Variants in FKBP5 observed in about 807,000 individuals in gnomAD.
FKBP5 encodes the protein FKBP prolyl isomerase 5.
Under a neutral mutation model 50.5 loss-of-function variants are expected in FKBP5, and 23 were observed. The observed-to-expected ratio is 0.46, with a 90% CI of 0.33 to 0.65. The LOEUF is 0.65. Ranked by LOEUF, FKBP5 falls within the 30% of genes least tolerant of loss-of-function variation. FKBP5 has a pLI of 0.02. For synonymous variants in FKBP5, 176 were observed against 190.6 expected (o/e 0.92, Z 0.63); for missense variants, 411 against 553.1 (o/e 0.74, Z 2.58).
intron 3 of FKBP5, among the ~76,000 whole-genome samples, chr6:35,621,051 A>G (rs1312294681): frequency 2.0e-5 from 3 of 152,210 alleles, no homozygotes; most frequent in Admixed American, 2.0e-4. Flanking sequence ...GGGTCCATGA[A>G]ACACATTTCT....
At chr6:35,642,595 C>T (rs1038903208) in intron 2 of FKBP5, 125 bp downstream of exon 2, 4 of 630,810 alleles carry the variant, frequency 6.3e-6, no homozygotes, top group Non-Finnish European at 1.1e-5. Context: ...GAGAATCTAG[C>T]TCTAGTGTTT....
At chr6:35,715,182 G>A (rs1766490879) in intron 2 of FKBP5, among the ~76,000 whole-genome samples, 1 of 152,194 alleles carries the variant, frequency 6.6e-6, no homozygotes, top group Non-Finnish European at 1.5e-5. Flanking sequence ...TTACAGGTGT[G>A]AGCCACTGCT....
At chr6:35,601,377 C>T (rs902229320) in intron 5 of FKBP5, among the ~76,000 whole-genome samples, 1 of 152,120 alleles carries the variant, frequency 6.6e-6, no homozygotes, top group Non-Finnish European at 1.5e-5. Flanking sequence ...AAGGGCATTG[C>T]TGGGTTAACT....
At chr6:35,583,150 A>G in intron 8 of FKBP5, 1 of 985,438 alleles carries the variant, frequency 1.0e-6, no homozygotes, top group Non-Finnish European at 1.2e-6. Flanking sequence ...GTGTGGGTGG[A>G]AATGAAAAGT....
intron 1 of FKBP5, among the ~76,000 whole-genome samples, chr6:35,665,347 G>A (rs1212022923): frequency 6.8e-6 from 1 of 147,372 alleles, no homozygotes; most frequent in Non-Finnish European, 1.5e-5. Flanking sequence ...GAGTGCAGTG[G>A]CGCGATCTCG....
intron 2 of FKBP5, among the ~76,000 whole-genome samples, chr6:35,714,386 T>G: frequency 8.3e-6 from 1 of 120,900 alleles, no homozygotes; most frequent in African/African-American, 3.3e-5. Flanking sequence ...CAGGAGGCAG[T>G]GGTTGCAGTG....
At chr6:35,601,343 G>A (rs1224128596) in intron 5 of FKBP5, among the ~76,000 whole-genome samples, 1 of 152,194 alleles carries the variant, frequency 6.6e-6, no homozygotes, top group African/African-American at 2.4e-5. Context: ...ACAGCCCATT[G>A]ATTCTCTACA....
intron 1 of FKBP5, among the ~76,000 whole-genome samples, chr6:35,687,445 CAA>C (rs1765858826): frequency 6.6e-6 from 1 of 152,064 alleles, no homozygotes; most frequent in Non-Finnish European, 1.5e-5. Context: ...ATTCAAACAC[CAA>C]GAGAAGCAGC....
At position 35,575,784 on chromosome 6, in the gene FKBP5, C is replaced by G. The variant is rs1349142689; in HGVS notation, c.*51G>C. ...GTTCTGTCCTGAGTTGGGGGAAAGCCCATTGAGGAGGGGCCGAGTTCACTG... is the reference window on the plus strand; with the variant it reads ...GTTCTGTCCTGAGTTGGGGGAAAGCGCATTGAGGAGGGGCCGAGTTCACTG... On this transcript the variant is annotated 3_prime_UTR_variant, in exon 11 of 11. Coordinates refer to ENST00000357266, the MANE Select transcript of FKBP5 (RefSeq NM_004117.4). 1 of 1,150,878 alleles carries G rather than the reference C, an allele frequency of 8.7e-7. No individual in the cohort carries two copies. Among genetic ancestry groups the G allele is most frequent in the African/African-American group, 1.5e-5 (1 of 66,308 alleles). 71.3% of individuals were successfully genotyped at this position (1,150,878 alleles called of 1,614,324 possible).
At chr6:35,578,049 T>A (rs559572333) in intron 9 of FKBP5, among the ~76,000 whole-genome samples, 125 of 87,332 alleles carry the variant, frequency 1.4e-3, no homozygotes, top group Admixed American at 6.4e-3. Flanking sequence ...GTGAGACTCT[T>A]GTCTCCAAAA....
chr6:35,633,344 AC>A (rs1279642074), intron 3 of FKBP5, among the ~76,000 whole-genome samples: 2 of 152,064 alleles, frequency 1.3e-5, no homozygotes, highest in African/African-American at 4.8e-5. Flanking sequence ...AAAGTTCGAG[AC>A]CACCCTGGGC....
intron 1 of FKBP5, among the ~76,000 whole-genome samples, chr6:35,679,958 G>T (rs1581878019): frequency 6.6e-6 from 1 of 151,904 alleles, no homozygotes; most frequent in East Asian, 1.9e-4. Flanking sequence ...AAAATATATA[G>T]GTCATATAAC....
chr6:35,719,799 G>A (rs1181761729), intron 2 of FKBP5, among the ~76,000 whole-genome samples: 1 of 152,184 alleles, frequency 6.6e-6, no homozygotes, highest in Non-Finnish European at 1.5e-5. Context: ...CCCCAAGCTT[G>A]ACTGCAACTC....
At chr6:35,680,360 T>G (rs1055123359) in intron 1 of FKBP5, among the ~76,000 whole-genome samples, 6 of 152,102 alleles carry the variant, frequency 3.9e-5, no homozygotes, top group Admixed American at 3.9e-4. Flanking sequence ...AGCCCAGGAG[T>G]TCCAGGCTGC....
intron 5 of FKBP5, among the ~76,000 whole-genome samples, chr6:35,618,566 G>C (rs1763727518): frequency 6.6e-6 from 1 of 152,052 alleles, no homozygotes; most frequent in Admixed American, 6.6e-5. Context: ...AGTAGAGATG[G>C]GGCCTCACTA....
chr6:35,655,721 T>C (rs1764927661), intron 1 of FKBP5, among the ~76,000 whole-genome samples: 1 of 152,214 alleles, frequency 6.6e-6, no homozygotes, highest in African/African-American at 2.4e-5. Context: ...ACAAGCTAAG[T>C]ATATTCCTTC....
chr6:35,609,192 T>G (rs781543600), intron 5 of FKBP5, among the ~76,000 whole-genome samples: 1 of 152,218 alleles, frequency 6.6e-6, no homozygotes, highest in African/African-American at 2.4e-5. Flanking sequence ...TTTTTCTCGC[T>G]ACTGTTTCTT....
At chr6:35,602,757 T>G (rs1380342959) in intron 5 of FKBP5, among the ~76,000 whole-genome samples, 2 of 152,134 alleles carry the variant, frequency 1.3e-5, no homozygotes, top group African/African-American at 4.8e-5. Flanking sequence ...CACACCACTG[T>G]AAGATTGCTT....
rs184751537 is a variant in FKBP5, at chr6:35,620,350, T to A, written c.251-76A>T. ...TTTAACTTTCATAAAACCAAAGTTC[T>A]AATTTCCAGTTTTTCATACTACATA... is the stretch of plus-strand genomic sequence containing the variant. On this transcript the variant is annotated intron_variant, in intron 3 of 10. Coordinates refer to ENST00000357266, the MANE Select transcript of FKBP5 (RefSeq NM_004117.4). 2.6e-6 allele frequency: 4 copies of A among 1,514,956 alleles called. No homozygotes were observed. The African/African-American group carries it at 5.6e-5, about 21-fold the overall frequency. 93.8% of individuals were successfully genotyped at this position (1,514,956 alleles called of 1,614,324 possible).
Sources: gnomAD v4.1 joint callset for allele counts (sites outside exome capture counted in the v4.1 genomes callset) on GRCh38, gnomAD v4.1.1 for gene constraint, MANE v1.5 for transcripts, NCBI Gene and HGNC (gene_info 2026-07-23, HGNC 2026-07-21) for gene names.